Variants in SPATA16 observed in about 807,000 individuals in gnomAD.
SPATA16 encodes spermatogenesis-associated protein 16.
Under a neutral mutation model 63.3 loss-of-function variants are expected in SPATA16, and 36 were observed. The observed-to-expected ratio is 0.57, with a 90% confidence interval of 0.44 to 0.75. The LOEUF is 0.75. Ranked by LOEUF, SPATA16 falls within the 30% of genes least tolerant of loss-of-function variation. The probability of loss-of-function intolerance (pLI) is 0.00; values close to 1 mark genes in which losing one functional copy is unlikely to be tolerated. For synonymous variants in SPATA16, 203 were observed against 216.7 expected, an observed-to-expected ratio of 0.94 and a Z score of 0.56; for missense variants, 646 against 679.3, an observed-to-expected ratio of 0.95 and a Z score of 0.54.
chr3:173,092,355 T>C (rs1360990460), intron 2 of SPATA16, among the ~76,000 whole-genome samples: 2 of 152,188 alleles, frequency 1.3e-5, no homozygotes, highest in African/African-American at 4.8e-5. Flanking sequence ...GGCAGAATAA[T>C]GTCTCCTCAA....
intron 8 of SPATA16, among the ~76,000 whole-genome samples, chr3:172,919,827 G>A (rs187543907): frequency 1.4e-3 from 211 of 151,822 alleles, no homozygotes; most frequent in Admixed American, 3.2e-3. Flanking sequence ...ACAGGCATGC[G>A]CCACCACATC....
At chr3:173,112,592 T>C (rs1206563006) in intron 2 of SPATA16, among the ~76,000 whole-genome samples, 1 of 152,188 alleles carries the variant, frequency 6.6e-6, no homozygotes, top group Non-Finnish European at 1.5e-5. Context: ...CATTGGCTTG[T>C]TGTGAGAATG....
At chr3:173,132,818 T>G (rs534171093) in intron 1 of SPATA16, among the ~76,000 whole-genome samples, 3 of 152,252 alleles carry the variant, frequency 2.0e-5, no homozygotes, top group Admixed American at 2.0e-4. Context: ...ATAAAACGGA[T>G]AGCAATGCGG....
chr3:173,058,161 A>G (rs751255918), intron 2 of SPATA16, among the ~76,000 whole-genome samples: 1 of 152,124 alleles, frequency 6.6e-6, no homozygotes, highest in Non-Finnish European at 1.5e-5. Context: ...TATCCATACT[A>G]CTATGTAATC....
At chr3:173,084,786 C>T (rs2108315413) in intron 2 of SPATA16, among the ~76,000 whole-genome samples, 1 of 152,198 alleles carries the variant, frequency 6.6e-6, no homozygotes, top group African/African-American at 2.4e-5. Context: ...ATCCTTTCCC[C>T]ATTGCTTGTT....
In SPATA16 at chr3:172,925,396, T is replaced by G. The variant is rs1380273574; in HGVS notation, c.1178A>C (p.Asp393Ala). 2 of 1,614,044 alleles carry G rather than the reference T, an allele frequency of 1.2e-6. No homozygotes were observed. Among genetic ancestry groups the G allele is most frequent in the Non-Finnish European group, 1.7e-6 (2 of 1,179,976 alleles). Residue 393 changes from aspartate to alanine, a missense_variant, in exon 7 of 11, where the codon GAT becomes GCT. Physicochemically the swap from Asp to Ala is moderately radical, Grantham distance 126. Transcript: ENST00000351008. Reference sequence around the variant, plus strand: ...TGATATTTTTTCCAAAAATTTTCCATCATCTTTGTTTTTGAACCCAAGAGT... The same window carrying G: ...TGATATTTTTTCCAAAAATTTTCCAGCATCTTTGTTTTTGAACCCAAGAGT... ...LLTLGFKNKDDGKFLEKISSR... is the reference protein window; with the variant it reads ...LLTLGFKNKDAGKFLEKISSR...
At chr3:173,060,952 T>G (rs539321774) in intron 2 of SPATA16, among the ~76,000 whole-genome samples, 1 of 152,336 alleles carries the variant, frequency 6.6e-6, no homozygotes, top group South Asian at 2.1e-4. Context: ...TAATAAGAGA[T>G]TAATCCAAGC....
chr3:172,997,553 G>C (rs1734720302), intron 4 of SPATA16, among the ~76,000 whole-genome samples: 1 of 151,832 alleles, frequency 6.6e-6, no homozygotes, highest in Non-Finnish European at 1.5e-5. Context: ...CTCCTGGTTT[G>C]TCTCCTTTTT....
chr3:173,074,540 G>C (rs1006300819), intron 2 of SPATA16, among the ~76,000 whole-genome samples: 7 of 152,140 alleles, frequency 4.6e-5, no homozygotes, highest in Non-Finnish European at 8.8e-5. Flanking sequence ...CACCATGTAA[G>C]ACGTGCCTTT....
At chr3:172,978,152 T>C (rs1431883305) in intron 4 of SPATA16, among the ~76,000 whole-genome samples, 2 of 148,770 alleles carry the variant, frequency 1.3e-5, no homozygotes, top group African/African-American at 5.1e-5. Flanking sequence ...TCTCTCTCTC[T>C]CTCTCTCTCT....
At chr3:172,896,110 T>G (rs1448423902) in intron 10 of SPATA16, among the ~76,000 whole-genome samples, 2 of 152,222 alleles carry the variant, frequency 1.3e-5, no homozygotes, top group African/African-American at 4.8e-5. Context: ...AGTTTATCTG[T>G]CTGGGTGGTG....
At chr3:172,937,615 G>A (rs1406562003) in intron 6 of SPATA16, among the ~76,000 whole-genome samples, 1 of 152,162 alleles carries the variant, frequency 6.6e-6, no homozygotes, top group South Asian at 2.1e-4. Context: ...TAAGATCTCT[G>A]ATTACTAAGA....
intron 2 of SPATA16, among the ~76,000 whole-genome samples, chr3:173,063,987 A>T (rs575010596): frequency 1.3e-5 from 2 of 152,154 alleles, no homozygotes; most frequent in Non-Finnish European, 2.9e-5. Context: ...AGATTTATGG[A>T]TAGAAAAAGG....
At chr3:173,014,141 A>T (rs1423048847) in intron 4 of SPATA16, among the ~76,000 whole-genome samples, 1 of 152,240 alleles carries the variant, frequency 6.6e-6, no homozygotes, top group Non-Finnish European at 1.5e-5. Context: ...TTGTATGTTC[A>T]TTATAGCACT....
At chr3:173,022,679 T>G (rs1166682998) in intron 3 of SPATA16, among the ~76,000 whole-genome samples, 1 of 152,008 alleles carries the variant, frequency 6.6e-6, no homozygotes, top group Non-Finnish European at 1.5e-5. Flanking sequence ...TGTCATTTGA[T>G]GCCATTTGGA....
At chr3:172,956,594 A>G in intron 6 of SPATA16, 83 bp downstream of exon 6, 1 of 1,476,840 alleles carries the variant, frequency 6.8e-7, no homozygotes, top group Non-Finnish European at 9.2e-7. Context: ...CAGAAACAAT[A>G]AACTAATAAA....
chr3:172,934,715 G>A (rs978815217), intron 6 of SPATA16, among the ~76,000 whole-genome samples: 1 of 152,054 alleles, frequency 6.6e-6, no homozygotes, highest in Non-Finnish European at 1.5e-5. Context: ...AATCTTATCA[G>A]AAATTTCCTG....
chr3:173,050,652 A>G lies in SPATA16; in HGVS notation c.613-1558T>C, dbSNP rs147465684. On this transcript the variant is annotated intron_variant, in intron 2 of 10. Coordinates refer to ENST00000351008, the MANE Select transcript of SPATA16 (RefSeq NM_031955.6). ...TATTACCCCTTTTCTGGTAGTAATA[A>G]TATACAAATGATAAAATGTAGGGGT... Among the ~76,000 whole-genome samples the G allele has an allele frequency of 2.0e-3, 298 of 152,216 alleles. 3 individuals carry two copies. Among genetic ancestry groups the G allele is most frequent in the African/African-American group, 6.7e-3 (278 of 41,576 alleles).
At chr3:173,125,807 T>C (rs1738211507) in intron 1 of SPATA16, among the ~76,000 whole-genome samples, 1 of 152,346 alleles carries the variant, frequency 6.6e-6, no homozygotes, top group African/African-American at 2.4e-5. Flanking sequence ...GCACTTTGTA[T>C]ACTTAGTTCA....
Sources: gnomAD v4.1 joint callset for allele counts (sites outside exome capture counted in the v4.1 genomes callset) on GRCh38, gnomAD v4.1.1 for gene constraint, MANE v1.5 for transcripts, NCBI Gene and HGNC (gene_info 2026-07-23, HGNC 2026-07-21) for gene names.